Variants in SLC26A4 observed in about 807,000 individuals in gnomAD.
SLC26A4 encodes the protein solute carrier family 26 member 4, also known as pendrin.
A neutral mutation model predicts 90.4 loss-of-function variants in SLC26A4; 93 were observed. That is an observed-to-expected ratio of 1.03 (90% CI 0.87 to 1.22). The LOEUF (loss-of-function observed/expected upper bound fraction) is 1.22. Among genes scored for constraint, SLC26A4 ranks in the 50% most tolerant of loss-of-function variants. SLC26A4 has a pLI of 0.00. For synonymous variants in SLC26A4, 393 were observed against 354.6 expected, an observed-to-expected ratio of 1.11 and a Z score of -1.22; for missense variants, 1,127 against 946.2, an observed-to-expected ratio of 1.19 and a Z score of -2.51.
At chr7:107,680,424 A>G (rs1791200011) in intron 6 of SLC26A4, among the ~76,000 whole-genome samples, 1 of 144,778 alleles carries the variant, frequency 6.9e-6, no homozygotes, top group African/African-American at 2.5e-5. Context: ...ATCTTATATT[A>G]TTATATAAGT....
intron 17 of SLC26A4, among the ~76,000 whole-genome samples, chr7:107,702,640 G>A (rs1791928363): frequency 6.8e-6 from 1 of 146,458 alleles, no homozygotes; most frequent in Admixed American, 7.0e-5. Context: ...AGCTGAGATT[G>A]TGCCACTGTA....
intron 6 of SLC26A4, among the ~76,000 whole-genome samples, chr7:107,676,257 G>A (rs1791021137): frequency 1.3e-5 from 2 of 152,074 alleles, no homozygotes; most frequent in Admixed American, 1.3e-4. Context: ...TTGGCCCAGG[G>A]GCTGGTACAT....
Position 107,698,028 on chromosome 7 carries a change from AT to A in SLC26A4, c.1545-8del. On this transcript the variant is annotated splice_polypyrimidine_tract_variant and intron_variant, in intron 13 of 20. Coordinates refer to ENST00000644269, the MANE Select transcript of SLC26A4 (RefSeq NM_000441.2). ...TGTTCCAAAAAATCTTGACCTTGAT[AT>A]TTTTTCTTCTAGTCCTTCTTGGAAT... The A allele has an allele frequency of 6.3e-7, 1 of 1,577,062 alleles. No individual in the cohort carries two copies. The highest frequency in any genetic ancestry group is 8.7e-7 in the Non-Finnish European group (1 of 1,146,858).
chr7:107,695,718 C>T (rs978245985), intron 12 of SLC26A4, among the ~76,000 whole-genome samples: 10 of 151,886 alleles, frequency 6.6e-5, no homozygotes, highest in South Asian at 2.1e-4. Context: ...GAGGCTGAGG[C>T]GGGAGGATCA....
chr7:107,681,922 C>G (rs1368683227), intron 6 of SLC26A4, among the ~76,000 whole-genome samples: 1 of 151,204 alleles, frequency 6.6e-6, no homozygotes, highest in Non-Finnish European at 1.5e-5. Flanking sequence ...CATCCCCTGC[C>G]CCCACCTCCT....
intron 3 of SLC26A4, among the ~76,000 whole-genome samples, chr7:107,670,426 C>T (rs980970280): frequency 3.2e-4 from 49 of 152,020 alleles, no homozygotes; most frequent in African/African-American, 1.1e-3. Flanking sequence ...TTTTTTAATG[C>T]GTACACTCCC....
chr7:107,682,104 T>TAAA (rs1169027377), intron 6 of SLC26A4, among the ~76,000 whole-genome samples: 20 of 33,146 alleles, frequency 6.0e-4, no homozygotes, highest in African/African-American at 1.8e-3. Context: ...GCAAGAGAGC[T>TAAA]AAAAAAAAAA....
chr7:107,709,741 C>G (rs1792128681), intron 18 of SLC26A4, among the ~76,000 whole-genome samples: 1 of 152,306 alleles, frequency 6.6e-6, no homozygotes, highest in Admixed American at 6.5e-5. Flanking sequence ...GGAAAAGAAA[C>G]TGTCATTTCA....
intron 3 of SLC26A4, among the ~76,000 whole-genome samples, chr7:107,670,879 C>T (rs780424023): frequency 3.3e-5 from 5 of 152,158 alleles, no homozygotes; most frequent in Non-Finnish European, 7.3e-5. Flanking sequence ...CTCATGTAAA[C>T]TAGAATGTTG....
chr7:107,670,371 T>G (rs1271581952), intron 3 of SLC26A4, among the ~76,000 whole-genome samples: 1 of 152,094 alleles, frequency 6.6e-6, no homozygotes, highest in Non-Finnish European at 1.5e-5. Flanking sequence ...CCTCCCAAAG[T>G]GCTGGGATTA....
At chr7:107,665,477 A>G (rs986460096) in intron 3 of SLC26A4, among the ~76,000 whole-genome samples, 2 of 152,102 alleles carry the variant, frequency 1.3e-5, no homozygotes, top group African/African-American at 4.8e-5. Flanking sequence ...ACACCCTGTG[A>G]CTCCTGGGGG....
chr7:107,700,885 G>A (rs1159033380), intron 15 of SLC26A4, among the ~76,000 whole-genome samples: 1 of 152,130 alleles, frequency 6.6e-6, no homozygotes, highest in Non-Finnish European at 1.5e-5. Context: ...CTGTCTTGGA[G>A]CCTTTGATAT....
chr7:107,696,001 T>C lies in SLC26A4; in HGVS notation c.1506T>C (p.Leu502=), dbSNP rs992910854. 5 of 1,612,286 alleles carry C rather than the reference T, an allele frequency of 3.1e-6. No individual in the cohort carries two copies. In the Admixed American group the frequency reaches 5.0e-5, roughly 16 times the overall value. ...TGGATCTCGGTTTACTAGCTGGCCT[T>C]ATATTTGGACTGTTGACTGTGGTCC... ...LGLDLGLLAG[L]IFGLLTVVLR... Residue 502 remains leucine, a synonymous_variant, in exon 13 of 21, where the codon CTT becomes CTC. Transcript: ENST00000644269.
intron 18 of SLC26A4, among the ~76,000 whole-genome samples, chr7:107,708,585 G>A (rs796735508): frequency 3.9e-5 from 6 of 152,176 alleles, no homozygotes; most frequent in African/African-American, 1.2e-4. Flanking sequence ...CGGTCATGGC[G>A]GCTCACATCT....
rs1439636602 is a variant in SLC26A4, at chr7:107,683,362, GA to G, written c.918+10del. ...CCTATAGAAGTAATTGTGGTAAGTAGAATATGTAGTTAGAAAGTTCAGCATT... is the reference window on the plus strand; with the variant it reads ...CCTATAGAAGTAATTGTGGTAAGTAGATATGTAGTTAGAAAGTTCAGCATT... On this transcript the variant is annotated intron_variant, in intron 7 of 20. Coordinates refer to ENST00000644269, the MANE Select transcript of SLC26A4 (RefSeq NM_000441.2). 1 of 1,613,226 alleles carries G rather than the reference GA, an allele frequency of 6.2e-7. No individual in the cohort carries two copies. Among genetic ancestry groups the G allele is most frequent in the Non-Finnish European group, 8.5e-7 (1 of 1,179,272 alleles).
chr7:107,679,277 A>T (rs1168279615), intron 6 of SLC26A4, among the ~76,000 whole-genome samples: 1 of 152,166 alleles, frequency 6.6e-6, no homozygotes, highest in Non-Finnish European at 1.5e-5. Context: ...GCCACCACTA[A>T]GCTTGATTAG....
At position 107,704,336 on chromosome 7, in the gene SLC26A4, C is replaced by A; in HGVS notation, c.2040C>A (p.Val680=). ...CTCTCCTTTTTTATTTTTAGATTGT[C>A]AAAGAATTCCAAAGAATTGATGTGA... ...VVGVRSLRVI[V]KEFQRIDVNV... is the part of the protein sequence containing the mutation. Residue 680 remains valine (V), a synonymous_variant, in exon 18 of 21, where the codon GTC becomes GTA. Coordinates refer to ENST00000644269, the MANE Select transcript of SLC26A4 (RefSeq NM_000441.2). 2 of 1,351,978 alleles carry A rather than the reference C, an allele frequency of 1.5e-6. No individual in the cohort carries two copies. Among genetic ancestry groups the A allele is most frequent in the South Asian group, 1.2e-5 (1 of 83,996 alleles). 83.7% of individuals were successfully genotyped at this position (1,351,978 alleles called of 1,614,324 possible). A position where few individuals can be genotyped will look rare whatever the true frequency, so the allele number is the denominator to read the frequency against.
chr7:107,696,160 C>A, intron 13 of SLC26A4, 121 bp downstream of exon 13: 1 of 756,458 alleles, frequency 1.3e-6, no homozygotes, highest in Non-Finnish European at 2.5e-6. Flanking sequence ...ATATTGAGTG[C>A]TTCTATGCAT....
chr7:107,706,295 T>C (rs1792036135), intron 18 of SLC26A4, among the ~76,000 whole-genome samples: 1 of 152,170 alleles, frequency 6.6e-6, no homozygotes, highest in Admixed American at 6.5e-5. Flanking sequence ...CAAATTTGCT[T>C]TGCCAAGCCT....
Sources: allele counts gnomAD v4.1 joint callset (sites outside exome capture counted in the v4.1 genomes callset), GRCh38; gene constraint gnomAD v4.1.1; transcripts MANE v1.5; gene names NCBI Gene and HGNC (gene_info 2026-07-23, HGNC 2026-07-21).